The following GALNT11 variants were observed in gnomAD, a reference collection of about 807,000 sequenced individuals.
GALNT11 encodes the protein UDP-GalNAc:polypeptide N-acetylgalactosaminyltransferase 11.
Under a neutral mutation model 72.7 loss-of-function variants are expected in GALNT11, and 47 were observed. The observed-to-expected ratio is 0.65, with a 90% confidence interval of 0.51 to 0.82. The LOEUF is 0.82. GALNT11 is among the 40% of genes least tolerant of loss of function. GALNT11 has a pLI of 0.00. For missense variants in GALNT11, 677 were observed against 778.4 expected (o/e 0.87, Z 1.55); for synonymous variants, 270 against 286.6 (o/e 0.94, Z 0.58).
chr7:152,044,063 C>T (rs765597144), intron 1 of GALNT11, among the ~76,000 whole-genome samples: 36 of 152,246 alleles, frequency 2.4e-4, no homozygotes, highest in Admixed American at 1.4e-3. Flanking sequence ...CCAGCTTGGT[C>T]GTGGAGACCC....
At chr7:152,029,752 T>C (rs983102941) in intron 1 of GALNT11, among the ~76,000 whole-genome samples, 4 of 152,246 alleles carry the variant, frequency 2.6e-5, no homozygotes, top group African/African-American at 9.6e-5. Flanking sequence ...GTGTCTTTTT[T>C]CCTTAATCAC....
intron 6 of GALNT11, among the ~76,000 whole-genome samples, chr7:152,109,115 C>G (rs765544531): frequency 1.3e-5 from 2 of 152,250 alleles, no homozygotes; most frequent in Non-Finnish European, 2.9e-5. Flanking sequence ...CCAAGTATCT[C>G]CGCTTTATGT....
intron 9 of GALNT11, 128 bp from the exon 10 acceptor site, chr7:152,118,550 A>G (rs2089111484): frequency 4.1e-6 from 3 of 727,356 alleles, no homozygotes; most frequent in Admixed American, 3.0e-5. Flanking sequence ...AAAAATGCAT[A>G]TATTTTTATG....
At chr7:152,037,471 A>C (rs561622636) in intron 1 of GALNT11, among the ~76,000 whole-genome samples, 12 of 152,094 alleles carry the variant, frequency 7.9e-5, no homozygotes, top group Non-Finnish European at 1.2e-4. Context: ...ATAGCTCTTT[A>C]GTATAATTTG....
intron 8 of GALNT11, among the ~76,000 whole-genome samples, chr7:152,116,564 CA>C (rs2088876545): frequency 6.6e-6 from 1 of 152,188 alleles, no homozygotes; most frequent in Non-Finnish European, 1.5e-5. Flanking sequence ...TTTAATGCAA[CA>C]GTGTAAAAAT....
rs1156631456 is a variant in GALNT11 at position 152,105,380 on chromosome 7, C to G, written c.712+10C>G. ...GCGGCCCACGCGACAGGTATCACTT[C>G]TCGTTAGCTTTGCTCTACAGGTGTT... On this transcript the variant is annotated intron_variant, in intron 5 of 11. Coordinates refer to ENST00000430044, the MANE Select transcript of GALNT11 (RefSeq NM_022087.4). The G allele has an allele frequency of 2.5e-6, 4 of 1,610,736 alleles. No homozygotes were observed. The highest frequency in any genetic ancestry group is 3.4e-5 in the Admixed American group (2 of 59,428).
At chr7:152,091,274 A>G (rs1266911155) in intron 1 of GALNT11, among the ~76,000 whole-genome samples, 3 of 139,780 alleles carry the variant, frequency 2.1e-5, no homozygotes, top group Non-Finnish European at 3.1e-5. Context: ...GGAGTCTCGC[A>G]TTGTCACCCC....
intron 1 of GALNT11, among the ~76,000 whole-genome samples, chr7:152,080,630 T>C (rs1276267531): frequency 1.3e-5 from 2 of 152,104 alleles, no homozygotes; most frequent in African/African-American, 4.8e-5. Context: ...CTTGTCTGTG[T>C]TTTCTGAGCT....
Position 152,120,914 on chromosome 7 carries a change from G to A in GALNT11, c.1641G>A (p.Pro547=), listed in dbSNP as rs144672901. 2.3e-5 allele frequency: 37 copies of A among 1,613,786 alleles called. No individual in the cohort carries two copies. The Middle Eastern group carries it at 8.2e-4, about 36-fold the overall frequency. ...LDMSETRSSD[P]PRLMKCHGSG... Reference sequence around the variant, plus strand: ...TGTCAGAGACTCGCTCATCAGACCCGCCACGGCTCATGAAATGCCACGGGT... The same window carrying A: ...TGTCAGAGACTCGCTCATCAGACCCACCACGGCTCATGAAATGCCACGGGT... Residue 547 remains proline, a synonymous_variant, in exon 11 of 12, where the codon CCG becomes CCA. Transcript: ENST00000430044.
rs185700310 is a variant in GALNT11 at position 152,043,298 on chromosome 7, C to T, written c.-39+17414C>T. Among the ~76,000 whole-genome samples, 288 of 152,294 alleles carry T rather than the reference C, an allele frequency of 1.9e-3. 1 individual carries two copies. The highest frequency in any genetic ancestry group is 5.6e-3 in the African/African-American group (234 of 41,558). On this transcript the variant is annotated intron_variant, in intron 1 of 11. Transcript: ENST00000430044. ...GTCATCCCCGCTGGCAAGGGTCCAC[C>T]GGCTCCTGTTGGGACCTTTTGCGGG...
At position 152,120,904 on chromosome 7, in the gene GALNT11, C is replaced by T. The variant is rs1342019516; in HGVS notation, c.1631C>T (p.Ser544Leu). 6.2e-7 allele frequency: 1 copy of T among 1,613,504 alleles called. No homozygotes were observed. The highest frequency in any genetic ancestry group is 8.5e-7 in the Non-Finnish European group (1 of 1,179,588). The change falls in exon 11 of 12, where the codon TCA (serine) becomes TTA (leucine). Residue 544 changes from serine to leucine, a missense_variant. Transcript: ENST00000430044. Reference sequence around the variant, plus strand: ...TGTCTAGATATGTCAGAGACTCGCTCATCAGACCCGCCACGGCTCATGAAA... The same window carrying T: ...TGTCTAGATATGTCAGAGACTCGCTTATCAGACCCGCCACGGCTCATGAAA... The part of the protein sequence containing the change: ...LLCLDMSETR[S>L]SDPPRLMKCH...
chr7:152,113,911 T>A (rs1262186263), intron 8 of GALNT11, among the ~76,000 whole-genome samples: 12 of 128,746 alleles, frequency 9.3e-5, no homozygotes, highest in African/African-American at 2.8e-4. Flanking sequence ...TAATTTTTTT[T>A]AAAAAGTGTT....
chr7:152,117,386 T>A lies in GALNT11; in HGVS notation c.1452+11T>A, dbSNP rs755533375. ...CTTCAACGTGGAAGGGTAAGAAAGC[T>A]GTTTTTTCCAAGTGGCTTATGAAAA... On this transcript the variant is annotated intron_variant, in intron 9 of 11. Transcript: ENST00000430044. 1.2e-6 allele frequency: 2 copies of A among 1,613,280 alleles called. No individual in the cohort carries two copies. The highest frequency in any genetic ancestry group is 1.1e-5 in the South Asian group (1 of 90,938).
intron 1 of GALNT11, among the ~76,000 whole-genome samples, chr7:152,080,991 A>C (rs553544685): frequency 1.2e-4 from 18 of 151,844 alleles, no homozygotes; most frequent in East Asian, 3.9e-4. Context: ...AAAAACAAAC[A>C]AAAAAAACCC....
At chr7:152,057,004 ATTTTTTTT>A (rs71198754) in intron 1 of GALNT11, among the ~76,000 whole-genome samples, 12 of 74,930 alleles carry the variant, frequency 1.6e-4, no homozygotes, top group African/African-American at 1.9e-4. Flanking sequence ...ATGCCCAGCT[ATTTTTTTT>A]TTTTTTTTTT....
intron 9 of GALNT11, 133 bp from the exon 10 acceptor site, chr7:152,118,545 T>C: frequency 1.4e-6 from 1 of 700,308 alleles, no homozygotes; most frequent in South Asian, 1.8e-5. Flanking sequence ...GAATTAAAAA[T>C]GCATATATTT....
chr7:152,093,490 A>C (rs1315393431), intron 1 of GALNT11, among the ~76,000 whole-genome samples: 1 of 151,946 alleles, frequency 6.6e-6, no homozygotes, highest in African/African-American at 2.4e-5. Context: ...CAGTGGTGCA[A>C]TCTTGGCTCA....
intron 10 of GALNT11, chr7:152,120,114 C>T (rs2089286926): frequency 6.6e-6 from 1 of 152,230 alleles, no homozygotes; most frequent in African/African-American, 2.4e-5. Context: ...AGCCACTAGT[C>T]ACATTTCAAG....
intron 1 of GALNT11, among the ~76,000 whole-genome samples, chr7:152,072,174 C>T (rs1370349606): frequency 6.6e-6 from 1 of 151,368 alleles, no homozygotes; most frequent in Non-Finnish European, 1.5e-5. Flanking sequence ...ACAAAATTAG[C>T]TGGGCATGTT....
Sources: gnomAD v4.1 joint callset for allele counts (sites outside exome capture counted in the v4.1 genomes callset) on GRCh38, gnomAD v4.1.1 for gene constraint, MANE v1.5 for transcripts, NCBI Gene and HGNC (gene_info 2026-07-23, HGNC 2026-07-21) for gene names.